Variants in MICU2 observed in about 807,000 individuals in gnomAD.
The protein encoded by MICU2 is mitochondrial calcium uptake 2.
Under a neutral mutation model 60.4 loss-of-function variants are expected in MICU2, and 64 were observed. The observed-to-expected ratio is 1.06, with a 90% CI of 0.87 to 1.31. The LOEUF is 1.31. MICU2 is among the 50% of genes most tolerant of loss of function. The probability of loss-of-function intolerance (pLI) is 0.00; values close to 1 mark genes in which losing one functional copy is unlikely to be tolerated. For missense variants in MICU2, 569 were observed against 531.0 expected (o/e 1.07, Z -0.70); for synonymous variants, 201 against 175.0 (o/e 1.15, Z -1.17).
intron 4 of MICU2, among the ~76,000 whole-genome samples, chr13:21,527,322 C>T (rs1031121275): frequency 6.6e-6 from 1 of 152,148 alleles, no homozygotes; most frequent in Non-Finnish European, 1.5e-5. Flanking sequence ...AATGGCCAAA[C>T]CTCTAGACTC....
Position 21,501,647 on chromosome 13 carries a change from C to T in MICU2, c.933+1279G>A, listed in dbSNP as rs748321613. 4.1e-4 allele frequency among the ~76,000 whole-genome samples: 62 copies of T among 152,194 alleles called. 1 individual carries two copies. The highest frequency in any genetic ancestry group is 3.9e-4 in the Admixed American group (6 of 15,272). On this transcript the variant is annotated intron_variant, in intron 9 of 11. Transcript: ENST00000382374. ...ACCAGTATCTGGATCTTTTCTGATT[C>T]CTGCACGTACGAAAGACTGAAGTTC... is the stretch of plus-strand genomic sequence containing the variant.
intron 1 of MICU2, among the ~76,000 whole-genome samples, chr13:21,583,801 T>G (rs1048955130): frequency 2.6e-5 from 4 of 152,208 alleles, no homozygotes; most frequent in African/African-American, 7.2e-5. Flanking sequence ...TGTGCTGATT[T>G]GAGCTGGTTT....
intron 2 of MICU2, among the ~76,000 whole-genome samples, chr13:21,564,452 A>T (rs757415252): frequency 1.3e-5 from 2 of 152,106 alleles, no homozygotes; most frequent in Non-Finnish European, 2.9e-5. Flanking sequence ...TTATTATTGC[A>T]AAGGGGCCTG....
intron 11 of MICU2, 128 bp from the exon 12 acceptor site, chr13:21,493,481 G>T (rs1166356038): frequency 1.6e-6 from 1 of 620,022 alleles, no homozygotes; most frequent in Non-Finnish European, 2.7e-6. Context: ...GAATTATGTT[G>T]TAAAAGATGA....
intron 1 of MICU2, among the ~76,000 whole-genome samples, chr13:21,573,404 C>T (rs1888157480): frequency 6.6e-6 from 1 of 152,142 alleles, no homozygotes; most frequent in Non-Finnish European, 1.5e-5. Flanking sequence ...TCCTGAGTAG[C>T]TGGGACTACA....
At chr13:21,586,561 C>T (rs1888461634) in intron 1 of MICU2, among the ~76,000 whole-genome samples, 1 of 152,122 alleles carries the variant, frequency 6.6e-6, no homozygotes, top group African/African-American at 2.4e-5. Flanking sequence ...ATGCACACCA[C>T]CAATCCTGGC....
chr13:21,510,770 G>GCTTCT (rs1343608894), intron 7 of MICU2, among the ~76,000 whole-genome samples: 1 of 150,262 alleles, frequency 6.7e-6, no homozygotes, highest in African/African-American at 2.5e-5. Context: ...CCCCGACCCC[G>GCTTCT]CTTCTCAGAA....
At chr13:21,579,487 C>A (rs891335856) in intron 1 of MICU2, among the ~76,000 whole-genome samples, 3 of 152,034 alleles carry the variant, frequency 2.0e-5, no homozygotes, top group Non-Finnish European at 4.4e-5. Flanking sequence ...ATTACAGGCT[C>A]CCGCCACCAC....
At chr13:21,589,190 A>C (rs572562231) in intron 1 of MICU2, among the ~76,000 whole-genome samples, 5 of 152,234 alleles carry the variant, frequency 3.3e-5, no homozygotes, top group Non-Finnish European at 7.3e-5. Flanking sequence ...CCAATGAGTT[A>C]GCCTGCAACT....
intron 11 of MICU2, 47 bp downstream of exon 11, chr13:21,495,114 C>A: frequency 6.9e-7 from 1 of 1,447,370 alleles, no homozygotes; most frequent in Non-Finnish European, 9.2e-7. Context: ...GGTTTAATAT[C>A]AGTTAATGAC....
At chr13:21,579,757 G>GT (rs1165565543) in intron 1 of MICU2, among the ~76,000 whole-genome samples, 2 of 151,836 alleles carry the variant, frequency 1.3e-5, no homozygotes, top group Non-Finnish European at 2.9e-5. Flanking sequence ...GAAATATTTT[G>GT]TAAGATACCC....
At chr13:21,568,730 T>G (rs1021708248) in intron 1 of MICU2, among the ~76,000 whole-genome samples, 1 of 152,242 alleles carries the variant, frequency 6.6e-6, no homozygotes, top group Non-Finnish European at 1.5e-5. Flanking sequence ...CTTTAACTTG[T>G]AGCAATCTTA....
chr13:21,513,353 A>C (rs1481815761), intron 7 of MICU2, among the ~76,000 whole-genome samples: 1 of 152,086 alleles, frequency 6.6e-6, no homozygotes, highest in South Asian at 2.1e-4. Flanking sequence ...GTCTTTCATC[A>C]ATAAGTATGT....
intron 2 of MICU2, among the ~76,000 whole-genome samples, chr13:21,544,386 G>C (rs1593336443): frequency 6.6e-6 from 1 of 151,772 alleles, no homozygotes; most frequent in Middle Eastern, 3.4e-3. Context: ...GAACAAACAA[G>C]GGTAAAAAGA....
At chr13:21,560,755 T>C (rs997623930) in intron 2 of MICU2, among the ~76,000 whole-genome samples, 1 of 152,198 alleles carries the variant, frequency 6.6e-6, no homozygotes, top group African/African-American at 2.4e-5. Flanking sequence ...CCAATTATGC[T>C]TGTAGAAATG....
intron 11 of MICU2, among the ~76,000 whole-genome samples, 153 bp downstream of exon 11, chr13:21,495,006 CAT>C (rs1885956698): frequency 6.6e-6 from 1 of 152,092 alleles, no homozygotes; most frequent in African/African-American, 2.4e-5. Flanking sequence ...TGTTTAATCT[CAT>C]ATATAAAATA....
At chr13:21,518,565 A>G (rs563933789) in intron 6 of MICU2, among the ~76,000 whole-genome samples, 1 of 152,266 alleles carries the variant, frequency 6.6e-6, no homozygotes, top group South Asian at 2.1e-4. Flanking sequence ...GTACCTTGTA[A>G]CTCCCAAGAA....
intron 1 of MICU2, among the ~76,000 whole-genome samples, chr13:21,599,390 C>T (rs181875522): frequency 6.6e-5 from 10 of 152,268 alleles, no homozygotes; most frequent in Non-Finnish European, 1.2e-4. Context: ...TCTGTCTCCT[C>T]CCTTCTATGA....
In MICU2 at chr13:21,497,011, G is replaced by A. The variant is rs942195967; in HGVS notation, c.934-851C>T. Among the ~76,000 whole-genome samples, 31 of 151,840 alleles carry A rather than the reference G, an allele frequency of 2.0e-4. No homozygotes were observed. The South Asian group carries it at 2.3e-3, about 11-fold the overall frequency. ...CAGGAGGCAGAGCTTGCAGTGAGCC[G>A]AGATCACGCCACAGCACTCCAGCCT... On this transcript the variant is annotated intron_variant, in intron 9 of 11. Transcript: ENST00000382374.
Sources: gnomAD v4.1 joint callset for allele counts (sites outside exome capture counted in the v4.1 genomes callset) on GRCh38, gnomAD v4.1.1 for gene constraint, MANE v1.5 for transcripts, NCBI Gene and HGNC (gene_info 2026-07-23, HGNC 2026-07-21) for gene names.